GSE1: variants seen among roughly 807,000 people sequenced by gnomAD.
GSE1 encodes genetic suppressor element 1.
A neutral mutation model predicts 112.6 loss-of-function variants in GSE1; 32 were observed. That is an observed-to-expected ratio of 0.28 (90% CI 0.21 to 0.38). The LOEUF (loss-of-function observed/expected upper bound fraction) is 0.38. GSE1 is among the 10% of genes least tolerant of loss of function. GSE1 has a pLI of 1.00. For missense variants in GSE1, 2,348 were observed against 1,699.2 expected, an observed-to-expected ratio of 1.38 and a Z score of -6.71; for synonymous variants, 1,115 against 735.6, an observed-to-expected ratio of 1.52 and a Z score of -8.35.
At chr16:85,655,509 C>G (rs1341506483) in intron 5 of GSE1, among the ~76,000 whole-genome samples, 1 of 152,344 alleles carries the variant, frequency 6.6e-6, no homozygotes, top group South Asian at 2.1e-4. Flanking sequence ...AGGGAGGTGG[C>G]AGGCGGCGCC....
At chr16:85,580,801 T>C (rs1220297739) in intron 1 of GSE1, among the ~76,000 whole-genome samples, 1 of 152,194 alleles carries the variant, frequency 6.6e-6, no homozygotes, top group Non-Finnish European at 1.5e-5. Context: ...GAGTGCGCTG[T>C]CTCCGTCACG....
intron 2 of GSE1, among the ~76,000 whole-genome samples, chr16:85,462,379 T>C (rs1362984790): frequency 6.6e-6 from 1 of 151,846 alleles, no homozygotes; most frequent in Non-Finnish European, 1.5e-5. Context: ...AGCTTGTTGG[T>C]TGGTTGCCTG....
intron 1 of GSE1, among the ~76,000 whole-genome samples, chr16:85,589,621 A>G (rs766020595): frequency 4.6e-5 from 7 of 152,100 alleles, no homozygotes; most frequent in Non-Finnish European, 1.0e-4. Flanking sequence ...GTGTATGCGC[A>G]TATGTGTGAA....
intron 2 of GSE1, among the ~76,000 whole-genome samples, chr16:85,414,706 C>A (rs2048664169): frequency 6.6e-6 from 1 of 152,224 alleles, no homozygotes; most frequent in Non-Finnish European, 1.5e-5. Flanking sequence ...GCGATCTTGG[C>A]TCACTGAAAC....
intron 2 of GSE1, among the ~76,000 whole-genome samples, chr16:85,516,841 A>G (rs1382464172): frequency 1.5e-5 from 2 of 131,994 alleles, no homozygotes; most frequent in Non-Finnish European, 3.1e-5. Flanking sequence ...TCTATCGCCC[A>G]GGCTGGAGTG....
At chr16:85,488,602 G>A (rs1224518123) in intron 2 of GSE1, among the ~76,000 whole-genome samples, 1 of 152,204 alleles carries the variant, frequency 6.6e-6, no homozygotes, top group East Asian at 1.9e-4. Context: ...CAGGTTCTCG[G>A]TGAAAAGTGC....
intron 2 of GSE1, among the ~76,000 whole-genome samples, chr16:85,430,749 C>T (rs749276175): frequency 6.6e-6 from 1 of 152,194 alleles, no homozygotes; most frequent in Non-Finnish European, 1.5e-5. Flanking sequence ...GAAATCCTGA[C>T]GTAGGCACAC....
intron 2 of GSE1, among the ~76,000 whole-genome samples, chr16:85,635,848 T>A (rs1014310115): frequency 1.3e-5 from 2 of 152,186 alleles, no homozygotes; most frequent in African/African-American, 4.8e-5. Flanking sequence ...AGGGCAGGTT[T>A]CCCTCCTCGC....
chr16:85,242,934 C>T (rs943166607), intron 1 of GSE1, among the ~76,000 whole-genome samples: 1 of 152,166 alleles, frequency 6.6e-6, no homozygotes, highest in Non-Finnish European at 1.5e-5. Flanking sequence ...ACCCCAGCCT[C>T]CTGAGTAGCT....
At chr16:85,518,371 C>T (rs1034314168) in intron 2 of GSE1, among the ~76,000 whole-genome samples, 5 of 152,224 alleles carry the variant, frequency 3.3e-5, no homozygotes, top group East Asian at 1.9e-4. Context: ...ACCGCGTGGC[C>T]GGAACCGTCC....
chr16:85,504,012 C>T (rs986655013), intron 2 of GSE1, among the ~76,000 whole-genome samples: 8 of 152,312 alleles, frequency 5.3e-5, no homozygotes, highest in South Asian at 2.1e-4. Context: ...CCCGGGCTGC[C>T]GACCCTGCAG....
chr16:85,226,927 C>A (rs2075498706), intron 1 of GSE1, among the ~76,000 whole-genome samples: 1 of 152,030 alleles, frequency 6.6e-6, no homozygotes, highest in Non-Finnish European at 1.5e-5. Context: ...AACTGAGGTT[C>A]TCCTTGCAGG....
At chr16:85,171,638 T>C in exon 1 of GSE1, 4 of 985,500 alleles carry the variant, frequency 4.1e-6, no homozygotes, top group Non-Finnish European at 4.8e-6. Context: ...GTGGCCCGGC[T>C]GCCCCTGTTC....
In GSE1 at chr16:85,663,361, A is replaced by T; in HGVS notation, c.2391A>T (p.Gln797His). ...CAATCTAGAAGCTAGAGTTTTTGCA[A>T]CTTTTTGGCTTGACCACCCAACAGC... The part of the protein sequence containing the change: ...DTSSEKLEFL[Q>H]LFGLTTQQQK... The change falls in exon 11 of 16, where the codon CAA becomes CAT. Residue 797 changes from glutamine to histidine, a missense_variant. Coordinates refer to ENST00000253458, the MANE Select transcript of GSE1 (RefSeq NM_014615.5). The T allele has an allele frequency of 6.2e-7, 1 of 1,613,532 alleles. No homozygotes were observed. Among genetic ancestry groups the T allele is most frequent in the Non-Finnish European group, 8.5e-7 (1 of 1,179,916 alleles).
At chr16:85,273,145 C>A (rs1426233504) in intron 1 of GSE1, among the ~76,000 whole-genome samples, 1 of 152,158 alleles carries the variant, frequency 6.6e-6, no homozygotes, top group Non-Finnish European at 1.5e-5. Context: ...GGAATGGGAG[C>A]CTACAGGTGG....
chr16:85,242,089 G>A (rs377002280), intron 1 of GSE1, among the ~76,000 whole-genome samples: 7 of 152,300 alleles, frequency 4.6e-5, no homozygotes, highest in African/African-American at 1.7e-4. Flanking sequence ...ACGTCCCCAA[G>A]TGATTTGTGC....
intron 1 of GSE1, among the ~76,000 whole-genome samples, chr16:85,582,711 G>A (rs988829041): frequency 6.6e-5 from 10 of 152,210 alleles, no homozygotes; most frequent in Non-Finnish European, 1.0e-4. Flanking sequence ...GGTTCAGGGC[G>A]TCGGGGTGGG....
chr16:85,407,738 C>T (rs1226653194), intron 2 of GSE1, among the ~76,000 whole-genome samples: 1 of 25,468 alleles, frequency 3.9e-5, no homozygotes, highest in Non-Finnish European at 7.8e-5. Flanking sequence ...CAGGGCCCCC[C>T]GGATAATCCT....
intron 1 of GSE1, among the ~76,000 whole-genome samples, chr16:85,208,981 A>G (rs1296276858): frequency 7.6e-6 from 1 of 132,224 alleles, no homozygotes; most frequent in African/African-American, 3.0e-5. Flanking sequence ...GGGGTTTGCC[A>G]CTTGTTGGGG....
Sources: allele counts gnomAD v4.1 joint callset (sites outside exome capture counted in the v4.1 genomes callset), GRCh38; gene constraint gnomAD v4.1.1; transcripts MANE v1.5; gene names NCBI Gene and HGNC (gene_info 2026-07-23, HGNC 2026-07-21).